The following CDH4 variants were observed in gnomAD, a reference collection of about 807,000 sequenced individuals.
CDH4 encodes cadherin-4.
A neutral mutation model predicts 86.0 loss-of-function variants in CDH4; 33 were observed. That is an observed-to-expected ratio of 0.38 (90% CI 0.29 to 0.51). CDH4 has a LOEUF of 0.51. CDH4 is among the 20% of genes least tolerant of loss of function. CDH4 has a pLI of 0.86. For missense variants in CDH4, 1,114 were observed against 1,307.4 expected, an observed-to-expected ratio of 0.85 and a Z score of 2.28; for synonymous variants, 555 against 549.4, an observed-to-expected ratio of 1.01 and a Z score of -0.14.
In CDH4 at chr20:61,374,211, G is replaced by A. The variant is rs1335630493; in HGVS notation, c.169+119274G>A. 3.3e-5 allele frequency among the ~76,000 whole-genome samples: 5 copies of A among 152,210 alleles called. No individual in the cohort carries two copies. The East Asian group carries it at 7.7e-4, about 23-fold the overall frequency. ...TCGCTGTCTGAAAGGGGAGAAGCAT[G>A]TGGAAAAGTTGAGTTCTGTGCAGCG... On this transcript the variant is annotated intron_variant, in intron 2 of 15. Transcript: ENST00000614565.
chr20:61,900,047 TCCTG>T (rs1568875738), intron 8 of CDH4, among the ~76,000 whole-genome samples: 1 of 152,036 alleles, frequency 6.6e-6, no homozygotes, highest in Non-Finnish European at 1.5e-5. Context: ...GAAGTGACCC[TCCTG>T]GCCAGGAAGA....
intron 2 of CDH4, among the ~76,000 whole-genome samples, chr20:61,394,416 C>G (rs532349017): frequency 6.6e-6 from 1 of 152,180 alleles, no homozygotes; most frequent in Non-Finnish European, 1.5e-5. Context: ...TAAAGAAAGT[C>G]GGTTGTTCCC....
At chr20:61,273,260 G>A in intron 2 of CDH4, among the ~76,000 whole-genome samples, 1 of 133,614 alleles carries the variant, frequency 7.5e-6, no homozygotes, top group East Asian at 2.4e-4. Context: ...GTTTAGGGGA[G>A]TACCGTGTGC....
intron 2 of CDH4, among the ~76,000 whole-genome samples, chr20:61,279,533 C>T (rs899347332): frequency 6.6e-6 from 1 of 152,116 alleles, no homozygotes; most frequent in Non-Finnish European, 1.5e-5. Flanking sequence ...CACCCATGGG[C>T]GCTGGCTTCC....
At chr20:61,853,082 A>AG (rs1424197862) in intron 6 of CDH4, among the ~76,000 whole-genome samples, 184 bp downstream of exon 6, 2 of 152,176 alleles carry the variant, frequency 1.3e-5, no homozygotes, top group Non-Finnish European at 2.9e-5. Flanking sequence ...CTTGGGGTCA[A>AG]GGGGGTTGCA....
intron 2 of CDH4, among the ~76,000 whole-genome samples, chr20:61,412,278 C>T (rs965996138): frequency 2.6e-5 from 4 of 152,206 alleles, no homozygotes; most frequent in Non-Finnish European, 5.9e-5. Context: ...GGAGCTGGCT[C>T]TCATTGACTC....
chr20:61,549,347 C>T (rs1333256872), intron 2 of CDH4, among the ~76,000 whole-genome samples: 5 of 152,166 alleles, frequency 3.3e-5, no homozygotes, highest in African/African-American at 1.2e-4. Flanking sequence ...TCCCAAACAC[C>T]TGATGAGGAA....
At chr20:61,889,504 T>TGATGGATG (rs1568868953) in intron 7 of CDH4, among the ~76,000 whole-genome samples, 1 of 145,964 alleles carries the variant, frequency 6.9e-6, no homozygotes, top group African/African-American at 2.6e-5. Flanking sequence ...GATGGATGGA[T>TGATGGATG]GATGGATGGA....
At chr20:61,649,100 A>C (rs1600838456) in intron 2 of CDH4, among the ~76,000 whole-genome samples, 1 of 152,260 alleles carries the variant, frequency 6.6e-6, no homozygotes, top group Non-Finnish European at 1.5e-5. Flanking sequence ...AGCTGATAAC[A>C]GTGATGGTCA....
chr20:61,424,256 A>G (rs111164174), intron 2 of CDH4, among the ~76,000 whole-genome samples: 2 of 142,404 alleles, frequency 1.4e-5, no homozygotes, highest in African/African-American at 2.5e-5. Context: ...CCACACACAT[A>G]TATCCACACA....
At chr20:61,256,449 G>T (rs2084098441) in intron 2 of CDH4, among the ~76,000 whole-genome samples, 1 of 152,214 alleles carries the variant, frequency 6.6e-6, no homozygotes, top group Non-Finnish European at 1.5e-5. Flanking sequence ...CGCAGCGTGA[G>T]ATTTCAAACA....
At chr20:61,331,715 G>GGCCACCTGCCCCAGATCT (rs2084580624) in intron 2 of CDH4, among the ~76,000 whole-genome samples, 2 of 36,666 alleles carry the variant, frequency 5.5e-5, no homozygotes, top group African/African-American at 2.4e-4. Context: ...CTCCTGCCCC[G>GGCCACCTGCCCCAGATCT]ACCACCTGAC....
intron 8 of CDH4, among the ~76,000 whole-genome samples, chr20:61,897,336 A>T (rs1046408919): frequency 2.6e-5 from 4 of 151,928 alleles, no homozygotes; most frequent in African/African-American, 9.7e-5. Context: ...TCTGGTCCCC[A>T]TCCCGAGACT....
At chr20:61,521,097 C>T (rs555989298) in intron 2 of CDH4, among the ~76,000 whole-genome samples, 2 of 152,338 alleles carry the variant, frequency 1.3e-5, no homozygotes, top group South Asian at 2.1e-4. Flanking sequence ...CTTTTGCGAT[C>T]ATCCCATCAG....
In CDH4 at chr20:61,593,571, G is replaced by A. The variant is rs1381073548; in HGVS notation, c.170-149992G>A. ...GGGGCGTGCAGCAGTGTCACATTGT[G>A]ATTTAGTAGATTTTTCAGAATGAGA... is the stretch of plus-strand genomic sequence containing the variant. On this transcript the variant is annotated intron_variant, in intron 2 of 15. Transcript: ENST00000614565. 2.0e-5 allele frequency among the ~76,000 whole-genome samples: 3 copies of A among 152,164 alleles called. No individual in the cohort carries two copies. In the East Asian group the frequency reaches 5.8e-4, roughly 29 times the overall value.
At chr20:61,895,490 C>T (rs1985062832) in intron 8 of CDH4, among the ~76,000 whole-genome samples, 1 of 152,200 alleles carries the variant, frequency 6.6e-6, no homozygotes, top group East Asian at 1.9e-4. Flanking sequence ...TGACTGGGCC[C>T]CATACCGGCT....
At chr20:61,376,151 G>C (rs991679989) in intron 2 of CDH4, among the ~76,000 whole-genome samples, 25 of 145,294 alleles carry the variant, frequency 1.7e-4, no homozygotes, top group Non-Finnish European at 3.6e-4. Flanking sequence ...TGGCAAATGT[G>C]CTCAAGATGG....
In CDH4 at chr20:61,369,865, TCAGAGGGAA is replaced by T. The variant is rs2084830712; in HGVS notation, c.169+114934_169+114942del. On this transcript the variant is annotated intron_variant, in intron 2 of 15. Transcript: ENST00000614565. ...GAGAAGGTGCCTGGCCACACAAAGA[TCAGAGGGAA>T]CAGAGTGAAGCGCCCCCAGTGGGGA... The T allele has an allele frequency of 2.0e-5, 3 of 152,082 alleles. No homozygotes were observed. In the South Asian group the frequency reaches 6.2e-4, roughly 32 times the overall value. 9.4% of individuals were successfully genotyped at this position (152,082 alleles called of 1,614,324 possible). A position where few individuals can be genotyped will look rare whatever the true frequency, so the allele number is the denominator to read the frequency against.
rs117440559 is a variant in CDH4, at chr20:61,705,701, A to G, written c.170-37862A>G. 9.2e-4 allele frequency among the ~76,000 whole-genome samples: 140 copies of G among 152,308 alleles called. 2 individuals are homozygous for G. The East Asian group carries it at 0.025, about 27-fold the overall frequency. On this transcript the variant is annotated intron_variant, in intron 2 of 15. Coordinates refer to ENST00000614565, the MANE Select transcript of CDH4 (RefSeq NM_001794.5). The stretch of plus-strand genomic sequence containing the variant: ...CTGGAGGCCCCCTCACCCAAGCTGC[A>G]TATCCCTGGAAGCTGGCAGCTGGCT...
Sources: allele counts gnomAD v4.1 joint callset (sites outside exome capture counted in the v4.1 genomes callset), GRCh38; gene constraint gnomAD v4.1.1; transcripts MANE v1.5; gene names NCBI Gene and HGNC (gene_info 2026-07-23, HGNC 2026-07-21).